The following TTC33 variants were observed in gnomAD, a reference collection of about 807,000 sequenced individuals.
TTC33 encodes tetratricopeptide repeat domain 33, also known as tetratricopeptide repeat protein 33.
In TTC33, 24 loss-of-function variants were observed where a neutral mutation model predicts 29.4. The observed-to-expected ratio is 0.82, with a 90% CI of 0.59 to 1.15. The LOEUF (loss-of-function observed/expected upper bound fraction) is 1.15. TTC33 is among the 50% of genes most tolerant of loss of function. The probability of loss-of-function intolerance (pLI) is 0.00; values close to 1 mark genes in which losing one functional copy is unlikely to be tolerated. For missense variants in TTC33, 286 were observed against 310.4 expected, an observed-to-expected ratio of 0.92 and a Z score of 0.59; for synonymous variants, 107 against 100.3, an observed-to-expected ratio of 1.07 and a Z score of -0.40.
At chr5:40,751,153 A>G (rs376874588) in intron 1 of TTC33, among the ~76,000 whole-genome samples, 5 of 152,358 alleles carry the variant, frequency 3.3e-5, no homozygotes, top group African/African-American at 7.2e-5. Flanking sequence ...ATCACTATCT[A>G]TGGCAGCTAT....
chr5:40,716,750 AG>A (rs535629715), intron 4 of TTC33, among the ~76,000 whole-genome samples: 8 of 152,206 alleles, frequency 5.3e-5, no homozygotes, highest in Non-Finnish European at 1.2e-4. Context: ...TACTCATAAT[AG>A]GGCTAAAGAT....
rs910105937 is a variant in TTC33, at chr5:40,713,781, CATT to C, written c.*2361_*2363del. 4.6e-5 allele frequency among the ~76,000 whole-genome samples: 7 copies of C among 152,098 alleles called. No individual in the cohort carries two copies. Among genetic ancestry groups the C allele is most frequent in the African/African-American group, 7.2e-5 (3 of 41,416 alleles). On this transcript the variant is annotated 3_prime_UTR_variant, in exon 5 of 5. Coordinates refer to ENST00000337702, the MANE Select transcript of TTC33 (RefSeq NM_012382.3). The stretch of plus-strand genomic sequence containing the variant: ...CAGAAAGTATATTAAACATCTATAT[CATT>C]ATCATGAACATCAATTCTCTTCAGA...
At chr5:40,725,978 G>C (rs891429574) in intron 4 of TTC33, among the ~76,000 whole-genome samples, 4 of 151,412 alleles carry the variant, frequency 2.6e-5, no homozygotes, top group Non-Finnish European at 5.9e-5. Flanking sequence ...GTAGAGACGG[G>C]GTTTCACCGT....
chr5:40,752,343 T>C (rs773278194), intron 1 of TTC33, among the ~76,000 whole-genome samples: 2 of 152,254 alleles, frequency 1.3e-5, no homozygotes, highest in Non-Finnish European at 2.9e-5. Context: ...TGAAGAACTT[T>C]TCCTTTGCAT....
chr5:40,726,952 GTT>G (rs1311008339), intron 4 of TTC33, among the ~76,000 whole-genome samples: 4 of 152,088 alleles, frequency 2.6e-5, no homozygotes, highest in Non-Finnish European at 5.9e-5. Context: ...AAAGAGAGAA[GTT>G]GACAGTGCTA....
At chr5:40,731,543 G>A (rs529885535) in intron 2 of TTC33, among the ~76,000 whole-genome samples, 2 of 152,316 alleles carry the variant, frequency 1.3e-5, no homozygotes, top group African/African-American at 4.8e-5. Flanking sequence ...TTCACATGGA[G>A]GCACGAGAGA....
rs1741952013 is a variant in TTC33 at position 40,714,164 on chromosome 5, C to A, written c.*1981G>T. ...CTCTTTGGGACTTGAGCTATAGACC[C>A]TGTCAAGAAAAATCCCACTATCTCT... is the stretch of plus-strand genomic sequence containing the variant. On this transcript the variant is annotated 3_prime_UTR_variant, in exon 5 of 5. Coordinates refer to ENST00000337702, the MANE Select transcript of TTC33 (RefSeq NM_012382.3). 6.6e-6 allele frequency among the ~76,000 whole-genome samples: 1 copy of A among 152,194 alleles called. No individual in the cohort carries two copies. Among genetic ancestry groups the A allele is most frequent in the East Asian group, 1.9e-4 (1 of 5,198 alleles).
chr5:40,711,663 AAATTGTGGTATATC>A lies in TTC33; in HGVS notation c.*4468_*4481del, dbSNP rs1375791266. On this transcript the variant is annotated 3_prime_UTR_variant, in exon 5 of 5. Transcript: ENST00000337702. ...TCCATCAATAGGTGAACAGCTAAACAAATTGTGGTATATCTATATACTAGAATACTATTCAGCAA... is the reference window on the plus strand; with the variant it reads ...TCCATCAATAGGTGAACAGCTAAACATATATACTAGAATACTATTCAGCAA... 6.6e-6 allele frequency among the ~76,000 whole-genome samples: 1 copy of A among 152,140 alleles called. No individual in the cohort carries two copies.
chr5:40,754,913 ACTT>A (rs1742958348), intron 1 of TTC33, among the ~76,000 whole-genome samples: 1 of 152,196 alleles, frequency 6.6e-6, no homozygotes, highest in Admixed American at 6.5e-5. Flanking sequence ...TGAAATTAAA[ACTT>A]CTTATGAAGG....
intron 1 of TTC33, among the ~76,000 whole-genome samples, chr5:40,750,400 T>G (rs895204376): frequency 1.1e-4 from 16 of 151,482 alleles, no homozygotes; most frequent in Admixed American, 6.6e-5. Flanking sequence ...TACAAAAAAT[T>G]TTTAAAAACT....
intron 4 of TTC33, among the ~76,000 whole-genome samples, chr5:40,720,671 C>T (rs1742110500): frequency 6.6e-6 from 1 of 152,128 alleles, no homozygotes; most frequent in Non-Finnish European, 1.5e-5. Context: ...AGCAACAATT[C>T]ACAAACAAAA....
rs57181009 is a variant in TTC33, at chr5:40,737,921, G to A, written c.222-7578C>T. Among the ~76,000 whole-genome samples, 753 of 152,230 alleles carry A rather than the reference G, an allele frequency of 4.9e-3. 8 individuals carry two copies. Among genetic ancestry groups the A allele is most frequent in the African/African-American group, 0.017 (711 of 41,542 alleles). ...TTTTACTGCTCAAGAGAATACTATTGTATGGATATACCACAATTTATTCAT... is the reference window on the plus strand; with the variant it reads ...TTTTACTGCTCAAGAGAATACTATTATATGGATATACCACAATTTATTCAT... On this transcript the variant is annotated intron_variant, in intron 2 of 4. Transcript: ENST00000337702.
intron 1 of TTC33, among the ~76,000 whole-genome samples, chr5:40,750,312 G>A (rs1290235744): frequency 6.6e-6 from 1 of 152,114 alleles, no homozygotes. Flanking sequence ...GCTCACGCCT[G>A]TAATCCTAGC....
At chr5:40,740,001 A>C (rs1172404461) in intron 2 of TTC33, among the ~76,000 whole-genome samples, 1 of 152,062 alleles carries the variant, frequency 6.6e-6, no homozygotes, top group Non-Finnish European at 1.5e-5. Context: ...TTGGCTTATA[A>C]GCCTTTTATT....
Position 40,711,604 on chromosome 5 carries a change from T to C in TTC33, c.*4541A>G, listed in dbSNP as rs1433028811. 6.6e-6 allele frequency among the ~76,000 whole-genome samples: 1 copy of C among 152,096 alleles called. No individual in the cohort carries two copies. The highest frequency in any genetic ancestry group is 1.5e-5 in the Non-Finnish European group (1 of 68,010). On this transcript the variant is annotated 3_prime_UTR_variant, in exon 5 of 5. Transcript: ENST00000337702. ...TGATTTATATATATAGCAGCTTTAT[T>C]CATAATAGATCAAAACTTGAAACAA...
chr5:40,736,384 G>A (rs1452378785), intron 2 of TTC33, among the ~76,000 whole-genome samples: 1 of 152,128 alleles, frequency 6.6e-6, no homozygotes, highest in African/African-American at 2.4e-5. Flanking sequence ...AGAACAAAAT[G>A]CATGGTAAAT....
At position 40,711,629 on chromosome 5, in the gene TTC33, AC is replaced by A. The variant is rs1351209398; in HGVS notation, c.*4515del. Among the ~76,000 whole-genome samples the A allele has an allele frequency of 1.3e-5, 2 of 152,112 alleles. No homozygotes were observed. The highest frequency in any genetic ancestry group is 2.9e-5 in the Non-Finnish European group (2 of 68,006). On this transcript the variant is annotated 3_prime_UTR_variant, in exon 5 of 5. Coordinates refer to ENST00000337702, the MANE Select transcript of TTC33 (RefSeq NM_012382.3). Reference sequence around the variant, plus strand: ...TCATAATAGATCAAAACTTGAAACAACCTAAATGTCCATCAATAGGTGAACA... The same window carrying A: ...TCATAATAGATCAAAACTTGAAACAACTAAATGTCCATCAATAGGTGAACA...
At chr5:40,745,187 C>T (rs1337102504) in intron 2 of TTC33, among the ~76,000 whole-genome samples, 1 of 152,050 alleles carries the variant, frequency 6.6e-6, no homozygotes, top group Non-Finnish European at 1.5e-5. Context: ...CTCCTTAGAT[C>T]CTGGTTTTAA....
At chr5:40,736,733 T>C (rs956621036) in intron 2 of TTC33, among the ~76,000 whole-genome samples, 1 of 152,178 alleles carries the variant, frequency 6.6e-6, no homozygotes, top group Admixed American at 6.5e-5. Flanking sequence ...TGCTCTTTAA[T>C]CCTCCAAAAT....
Sources: allele counts gnomAD v4.1 joint callset (sites outside exome capture counted in the v4.1 genomes callset), GRCh38; gene constraint gnomAD v4.1.1; transcripts MANE v1.5; gene names NCBI Gene and HGNC (gene_info 2026-07-23, HGNC 2026-07-21).